Variants in FSTL5 observed in about 807,000 individuals in gnomAD.
FSTL5 encodes follistatin like 5.
A neutral mutation model predicts 89.1 loss-of-function variants in FSTL5; 62 were observed. The ratio of observed to expected loss-of-function variants is 0.70; its 90% confidence interval spans 0.57 to 0.86. The LOEUF is 0.86. FSTL5 is among the 40% of genes least tolerant of loss of function. FSTL5 has a pLI of 0.00. For missense variants in FSTL5, 1,057 were observed against 1,001.6 expected (o/e 1.06, Z -0.75); for synonymous variants, 383 against 346.2 (o/e 1.11, Z -1.18).
intron 3 of FSTL5, among the ~76,000 whole-genome samples, chr4:161,964,905 T>G (rs1344374560): frequency 6.6e-6 from 1 of 152,152 alleles, no homozygotes; most frequent in East Asian, 1.9e-4. Context: ...AATAATTTAT[T>G]TATAACACAT....
intron 3 of FSTL5, among the ~76,000 whole-genome samples, chr4:162,014,282 A>T (rs1736853684): frequency 6.6e-6 from 1 of 152,258 alleles, no homozygotes; most frequent in Non-Finnish European, 1.5e-5. Context: ...TGTGCTTTTC[A>T]GCCTTGTCTG....
chr4:161,664,584 A>G (rs1409950769), intron 6 of FSTL5, among the ~76,000 whole-genome samples: 1 of 152,138 alleles, frequency 6.6e-6, no homozygotes, highest in African/African-American at 2.4e-5. Flanking sequence ...AAAGCCATTT[A>G]ATAAGTCTCT....
At chr4:161,977,627 A>ATT (rs1553988105) in intron 3 of FSTL5, among the ~76,000 whole-genome samples, 1 of 92,332 alleles carries the variant, frequency 1.1e-5, no homozygotes, top group Admixed American at 1.3e-4. Context: ...AAAAAAAAAA[A>ATT]AAAAAAAAAA....
At chr4:161,790,611 G>A (rs1729436393) in intron 4 of FSTL5, among the ~76,000 whole-genome samples, 1 of 152,102 alleles carries the variant, frequency 6.6e-6, no homozygotes, top group Non-Finnish European at 1.5e-5. Context: ...ATATATTACT[G>A]TACCATAGTG....
chr4:161,457,958 A>C (rs997079398), intron 14 of FSTL5, among the ~76,000 whole-genome samples: 1 of 152,162 alleles, frequency 6.6e-6, no homozygotes, highest in Admixed American at 6.5e-5. Context: ...ATGTAGCAAA[A>C]TTGGCTTTAT....
At chr4:161,485,165 T>C (rs541526390) in intron 12 of FSTL5, among the ~76,000 whole-genome samples, 2 of 152,312 alleles carry the variant, frequency 1.3e-5, no homozygotes, top group East Asian at 3.9e-4. Flanking sequence ...ACTTACTACC[T>C]GGCCATTTGC....
At chr4:161,987,272 G>A (rs1735989078) in intron 3 of FSTL5, among the ~76,000 whole-genome samples, 1 of 151,726 alleles carries the variant, frequency 6.6e-6, no homozygotes, top group East Asian at 1.9e-4. Flanking sequence ...GTTGGTGGCT[G>A]TTTTTATTTG....
chr4:161,757,270 A>G (rs1425043620), intron 6 of FSTL5, among the ~76,000 whole-genome samples: 1 of 152,148 alleles, frequency 6.6e-6, no homozygotes, highest in African/African-American at 2.4e-5. Flanking sequence ...CCAAAACTAA[A>G]TATCGTATTT....
intron 13 of FSTL5, among the ~76,000 whole-genome samples, chr4:161,466,410 G>A (rs1204056021): frequency 1.3e-5 from 2 of 152,150 alleles, no homozygotes; most frequent in Non-Finnish European, 2.9e-5. Context: ...GTTTGGTCTT[G>A]ACATGAAGGA....
intron 4 of FSTL5, among the ~76,000 whole-genome samples, chr4:161,814,075 G>A (rs1156741594): frequency 2.0e-5 from 3 of 152,002 alleles, no homozygotes; most frequent in Admixed American, 6.6e-5. Flanking sequence ...AAAAATGAAA[G>A]TAAGTGTGAG....
chr4:162,124,034 A>G (rs1731973328), intron 1 of FSTL5, among the ~76,000 whole-genome samples: 3 of 152,212 alleles, frequency 2.0e-5, no homozygotes, highest in African/African-American at 4.8e-5. Flanking sequence ...ATCTAGGTAG[A>G]GTATTCAGAT....
At chr4:162,016,884 C>T (rs1736930584) in intron 3 of FSTL5, among the ~76,000 whole-genome samples, 1 of 149,978 alleles carries the variant, frequency 6.7e-6, no homozygotes, top group African/African-American at 2.5e-5. Flanking sequence ...ATTTCAGCAT[C>T]TTTTGGAGAC....
At chr4:161,812,746 T>C (rs2082672) in intron 4 of FSTL5, among the ~76,000 whole-genome samples, 1 of 151,874 alleles carries the variant, frequency 6.6e-6, no homozygotes, top group Admixed American at 6.6e-5. Flanking sequence ...TTTTCAACAA[T>C]ATTAGCTCAG....
At chr4:161,733,661 G>A (rs1739693091) in intron 6 of FSTL5, among the ~76,000 whole-genome samples, 1 of 151,904 alleles carries the variant, frequency 6.6e-6, no homozygotes, top group African/African-American at 2.4e-5. Context: ...AACAAGTTAA[G>A]AAGTTTCCCC....
At chr4:161,649,796 G>T (rs1165775474) in intron 7 of FSTL5, among the ~76,000 whole-genome samples, 2 of 152,068 alleles carry the variant, frequency 1.3e-5, no homozygotes, top group East Asian at 3.9e-4. Flanking sequence ...AATGGTTGTG[G>T]GATATCCAGG....
chr4:161,882,499 TTTG>T (rs1258158626), intron 4 of FSTL5, among the ~76,000 whole-genome samples: 1 of 152,120 alleles, frequency 6.6e-6, no homozygotes, highest in East Asian at 1.9e-4. Context: ...TTCTTATCTG[TTTG>T]TTATTTTACA....
intron 10 of FSTL5, among the ~76,000 whole-genome samples, chr4:161,513,538 C>A (rs1730722648): frequency 6.6e-6 from 1 of 152,110 alleles, no homozygotes; most frequent in African/African-American, 2.4e-5. Flanking sequence ...CACATGCACA[C>A]ATATATTCAT....
chr4:161,457,802 A>G (rs961129296), intron 14 of FSTL5, among the ~76,000 whole-genome samples: 9 of 152,176 alleles, frequency 5.9e-5, no homozygotes, highest in Admixed American at 2.0e-4. Flanking sequence ...CAAAATCTCA[A>G]TTAACAAGCA....
chr4:162,146,098 G>A (rs1438210028), intron 1 of FSTL5, among the ~76,000 whole-genome samples: 1 of 152,026 alleles, frequency 6.6e-6, no homozygotes, highest in Non-Finnish European at 1.5e-5. Flanking sequence ...TTATATGCAT[G>A]ATAGTAAAGG....
Sources: gnomAD v4.1 joint callset for allele counts (sites outside exome capture counted in the v4.1 genomes callset) on GRCh38, gnomAD v4.1.1 for gene constraint, MANE v1.5 for transcripts, NCBI Gene and HGNC (gene_info 2026-07-23, HGNC 2026-07-21) for gene names.